DNAAF4: variants seen among roughly 807,000 people sequenced by gnomAD.
DNAAF4 encodes the protein dynein assembly factor 4, axonemal.
DNAAF4 carries 43 observed loss-of-function variants against 51.8 expected under a neutral mutation model. The observed-to-expected ratio is 0.83, with a 90% CI of 0.65 to 1.07. The LOEUF is 1.07. DNAAF4 is among the 50% of genes least tolerant of loss of function. The pLI, the probability that DNAAF4 is intolerant of heterozygous loss-of-function variation, is 0.00. For synonymous variants in DNAAF4, 194 were observed against 165.6 expected (o/e 1.17, Z -1.32); for missense variants, 581 against 493.0 (o/e 1.18, Z -1.69).
At chr15:55,442,780 G>T in intron 6 of DNAAF4, 1 of 1,605,514 alleles carries the variant, frequency 6.2e-7, no homozygotes, top group Non-Finnish European at 8.5e-7. Context: ...CCTAACAACA[G>T]AACAAAGAGG....
At chr15:55,440,838 T>C (rs985286948) in intron 6 of DNAAF4, among the ~76,000 whole-genome samples, 2 of 151,316 alleles carry the variant, frequency 1.3e-5, no homozygotes, top group Non-Finnish European at 2.9e-5. Context: ...CACGCCACCA[T>C]GCCCAGCTAA....
chr15:55,469,819 T>C (rs1050015955), intron 4 of DNAAF4, among the ~76,000 whole-genome samples: 19 of 151,734 alleles, frequency 1.3e-4, no homozygotes, highest in African/African-American at 4.4e-4. Flanking sequence ...ACATCAGCTA[T>C]GTGTCCTCTA....
intron 4 of DNAAF4, among the ~76,000 whole-genome samples, chr15:55,471,879 ACC>A (rs912833303): frequency 6.5e-4 from 94 of 144,178 alleles, no homozygotes; most frequent in African/African-American, 2.4e-3. Context: ...TTGCTGTGTC[ACC>A]CAGGCTGGAG....
At chr15:55,483,107 T>C (rs1351341972) in intron 4 of DNAAF4, among the ~76,000 whole-genome samples, 1 of 152,004 alleles carries the variant, frequency 6.6e-6, no homozygotes, top group East Asian at 1.9e-4. Context: ...TATTTATTTA[T>C]TTATTTTGAG....
rs530991512 is a variant in DNAAF4 at position 55,504,674 on chromosome 15, T to C, written c.-256+3448A>G. 3.9e-5 allele frequency among the ~76,000 whole-genome samples: 6 copies of C among 152,200 alleles called. 1 individual carries two copies. The South Asian group carries it at 1.2e-3, about 32-fold the overall frequency. ...CTGATAAAAACAAGCAATGGGGAAATGATTCCCTATTTAATAAATGTGCTG... is the reference window on the plus strand; with the variant it reads ...CTGATAAAAACAAGCAATGGGGAAACGATTCCCTATTTAATAAATGTGCTG... On this transcript the variant is annotated intron_variant, in intron 1 of 9. Coordinates refer to ENST00000321149, the MANE Select transcript of DNAAF4 (RefSeq NM_130810.4).
chr15:55,418,396 T>C, intron 7 of DNAAF4: 1 of 1,534,014 alleles, frequency 6.5e-7, no homozygotes, highest in Non-Finnish European at 8.7e-7. Context: ...CCAATTCAAG[T>C]CATTATGGTG....
intron 3 of DNAAF4, among the ~76,000 whole-genome samples, chr15:55,493,307 T>A (rs768893755): frequency 6.6e-6 from 1 of 152,250 alleles, no homozygotes; most frequent in Non-Finnish European, 1.5e-5. Context: ...CTATTATTTG[T>A]TGCCTATCTT....
chr15:55,483,091 T>C (rs1042641032), intron 4 of DNAAF4, among the ~76,000 whole-genome samples: 3 of 151,818 alleles, frequency 2.0e-5, no homozygotes, highest in Non-Finnish European at 2.9e-5. Flanking sequence ...GGGCTCTTTA[T>C]TTATTTATTT....
chr15:55,501,697 A>G (rs1480580593), intron 1 of DNAAF4, among the ~76,000 whole-genome samples: 1 of 151,792 alleles, frequency 6.6e-6, no homozygotes, highest in African/African-American at 2.4e-5. Flanking sequence ...ATATAACATA[A>G]AAAGCACTCA....
chr15:55,441,165 G>A (rs529474836), intron 6 of DNAAF4, among the ~76,000 whole-genome samples: 1 of 151,698 alleles, frequency 6.6e-6, no homozygotes, highest in African/African-American at 2.4e-5. Context: ...TCCGCCTTCT[G>A]GGTTCAAGCA....
At chr15:55,491,474 T>A (rs1164611165) in intron 3 of DNAAF4, among the ~76,000 whole-genome samples, 4 of 122,844 alleles carry the variant, frequency 3.3e-5, no homozygotes, top group Non-Finnish European at 3.4e-5. Flanking sequence ...ATGAAGGGGG[T>A]GGAGAGGAAG....
chr15:55,462,569 C>A (rs1376702342), intron 5 of DNAAF4, among the ~76,000 whole-genome samples: 1 of 151,630 alleles, frequency 6.6e-6, no homozygotes, highest in Non-Finnish European at 1.5e-5. Flanking sequence ...AGGAGGAAAT[C>A]CTCCCTAAAT....
At chr15:55,469,894 A>G (rs1020499829) in intron 4 of DNAAF4, among the ~76,000 whole-genome samples, 44 of 152,106 alleles carry the variant, frequency 2.9e-4, no homozygotes, top group African/African-American at 1.0e-3. Context: ...GCTCAATTCC[A>G]TAAGACAGTC....
chr15:55,431,786 A>AT (rs58921233), intron 9 of DNAAF4, among the ~76,000 whole-genome samples: 1,717 of 144,216 alleles, frequency 0.012, 15 homozygotes, highest in South Asian at 0.018. Context: ...CCTATCATGT[A>AT]TTTTTTTTTT....
chr15:55,467,393 G>C (rs1409176898), intron 4 of DNAAF4, among the ~76,000 whole-genome samples: 1 of 152,088 alleles, frequency 6.6e-6, no homozygotes, highest in East Asian at 1.9e-4. Context: ...TCTACCATTA[G>C]CTGTATGGTC....
intron 9 of DNAAF4, 21 bp downstream of exon 9, chr15:55,432,476 C>G (rs2057511664): frequency 6.3e-7 from 1 of 1,591,776 alleles, no homozygotes; most frequent in Non-Finnish European, 8.6e-7. Flanking sequence ...GGGACTTAAA[C>G]CATTTCTATC....
intron 7 of DNAAF4, among the ~76,000 whole-genome samples, chr15:55,438,276 G>T (rs553792729): frequency 1.3e-5 from 2 of 151,480 alleles, no homozygotes; most frequent in Non-Finnish European, 2.9e-5. Context: ...GCTTGAACCT[G>T]GGAGGTGGAG....
intron 6 of DNAAF4, among the ~76,000 whole-genome samples, chr15:55,449,911 T>G (rs1163828513): frequency 6.6e-6 from 1 of 151,562 alleles, no homozygotes; most frequent in African/African-American, 2.4e-5. Context: ...GTTAGTCAGG[T>G]TGGTCTTGAA....
In DNAAF4 at chr15:55,466,991, T is replaced by TC. The variant is rs2058180142; in HGVS notation, c.575dup (p.Ile195AsnfsTer4). On this transcript the variant is annotated frameshift_variant, in exon 5 of 10. Coordinates refer to ENST00000321149, the MANE Select transcript of DNAAF4 (RefSeq NM_130810.4). LOFTEE classifies it high-confidence loss of function. Reference sequence around the variant, plus strand: ...TAAGACTCTTATATTTTATTTTTTTTCTTTCTTCTTTAATTTGCTTTTCTT... The same window carrying TC: ...TAAGACTCTTATATTTTATTTTTTTTCCTTTCTTCTTTAATTTGCTTTTCTT... 1 of 1,582,154 alleles carries TC rather than the reference T, an allele frequency of 6.3e-7. No homozygotes were observed. The highest frequency in any genetic ancestry group is 8.6e-7 in the Non-Finnish European group (1 of 1,169,084).
Sources: allele counts gnomAD v4.1 joint callset (sites outside exome capture counted in the v4.1 genomes callset), GRCh38; gene constraint gnomAD v4.1.1; transcripts MANE v1.5; gene names NCBI Gene and HGNC (gene_info 2026-07-23, HGNC 2026-07-21).